EGFLAM: variants seen among roughly 807,000 people sequenced by gnomAD.
EGFLAM encodes the protein pikachurin.
In EGFLAM, 79 loss-of-function variants were observed where a neutral mutation model predicts 113.1. The observed-to-expected ratio is 0.70, with a 90% CI of 0.58 to 0.84. The LOEUF (loss-of-function observed/expected upper bound fraction) is 0.84, where lower values mean the gene tolerates loss of function less well. Among genes scored for constraint, EGFLAM ranks in the 40% least tolerant of loss-of-function variants. EGFLAM has a pLI of 0.00. For missense variants in EGFLAM, 1,265 were observed against 1,291.6 expected, an observed-to-expected ratio of 0.98 and a Z score of 0.32; for synonymous variants, 504 against 487.6, an observed-to-expected ratio of 1.03 and a Z score of -0.44.
intron 11 of EGFLAM, among the ~76,000 whole-genome samples, chr5:38,417,348 A>C (rs1200995932): frequency 1.1e-4 from 1 of 8,886 alleles, no homozygotes; most frequent in African/African-American, 6.8e-4. Flanking sequence ...ACTCTGTCTC[A>C]AAAAAAAAAA....
At chr5:38,291,365 G>A (rs1450405025) in intron 1 of EGFLAM, among the ~76,000 whole-genome samples, 1 of 152,174 alleles carries the variant, frequency 6.6e-6, no homozygotes, top group East Asian at 1.9e-4. Flanking sequence ...TCTGGATTTG[G>A]GGAGGAGAAG....
At chr5:38,298,101 C>T (rs1390827544) in intron 1 of EGFLAM, among the ~76,000 whole-genome samples, 4 of 152,154 alleles carry the variant, frequency 2.6e-5, no homozygotes, top group East Asian at 1.9e-4. Context: ...AGCTTGACAA[C>T]GTAGATAAGA....
intron 6 of EGFLAM, among the ~76,000 whole-genome samples, chr5:38,395,387 A>G (rs1249438692): frequency 6.6e-6 from 1 of 151,978 alleles, no homozygotes. Context: ...AGCTGGGACT[A>G]CAAGTGTGAG....
chr5:38,405,780 G>C (rs1003893128), intron 6 of EGFLAM, among the ~76,000 whole-genome samples: 1 of 152,246 alleles, frequency 6.6e-6, no homozygotes, highest in African/African-American at 2.4e-5. Context: ...ATATTTCCAA[G>C]TATTTCACAA....
chr5:38,261,422 G>A (rs1037172810), intron 1 of EGFLAM, among the ~76,000 whole-genome samples: 3 of 152,164 alleles, frequency 2.0e-5, no homozygotes, highest in Non-Finnish European at 4.4e-5. Flanking sequence ...CAATAGCCCT[G>A]GGAGATGGGG....
At chr5:38,273,990 G>A (rs1420637369) in intron 1 of EGFLAM, among the ~76,000 whole-genome samples, 3 of 151,902 alleles carry the variant, frequency 2.0e-5, no homozygotes, top group Admixed American at 2.0e-4. Context: ...ATGAAGAAAA[G>A]AATAAGTGAC....
intron 1 of EGFLAM, among the ~76,000 whole-genome samples, chr5:38,306,477 G>A (rs1758719420): frequency 6.6e-6 from 1 of 152,108 alleles, no homozygotes; most frequent in Non-Finnish European, 1.5e-5. Flanking sequence ...CCCCATGATG[G>A]CTATTATAGT....
intron 1 of EGFLAM, among the ~76,000 whole-genome samples, chr5:38,278,813 G>GCA (rs1389072648): frequency 1.6e-5 from 2 of 124,080 alleles, no homozygotes; most frequent in Non-Finnish European, 3.5e-5. Context: ...TTTTTTTTTT[G>GCA]ATGTAATTTT....
At chr5:38,271,518 G>A (rs1279911496) in intron 1 of EGFLAM, among the ~76,000 whole-genome samples, 1 of 152,142 alleles carries the variant, frequency 6.6e-6, no homozygotes, top group Admixed American at 6.5e-5. Flanking sequence ...ATACATGCCT[G>A]TATTCCAGCC....
intron 1 of EGFLAM, among the ~76,000 whole-genome samples, chr5:38,315,496 T>C (rs2111874448): frequency 6.6e-6 from 1 of 152,344 alleles, no homozygotes; most frequent in South Asian, 2.1e-4. Flanking sequence ...TGTGACATGC[T>C]GCTGTTATAC....
At chr5:38,300,582 G>T (rs1758552310) in intron 1 of EGFLAM, among the ~76,000 whole-genome samples, 1 of 152,058 alleles carries the variant, frequency 6.6e-6, no homozygotes, top group Non-Finnish European at 1.5e-5. Context: ...CACCATGTTG[G>T]CCAGGCTGGT....
At chr5:38,266,193 T>G (rs1757631600) in intron 1 of EGFLAM, among the ~76,000 whole-genome samples, 1 of 152,220 alleles carries the variant, frequency 6.6e-6, no homozygotes, top group Non-Finnish European at 1.5e-5. Flanking sequence ...TCTTTCAGCC[T>G]TCAAGGCTGG....
chr5:38,320,467 C>G (rs1458128068), intron 1 of EGFLAM, among the ~76,000 whole-genome samples: 1 of 152,176 alleles, frequency 6.6e-6, no homozygotes, highest in Non-Finnish European at 1.5e-5. Flanking sequence ...ACACCATAAT[C>G]TTGTTCAGAT....
intron 1 of EGFLAM, among the ~76,000 whole-genome samples, chr5:38,315,734 TG>T (rs1259534345): frequency 6.6e-6 from 1 of 152,220 alleles, no homozygotes; most frequent in Admixed American, 6.5e-5. Flanking sequence ...TTTCCTCATC[TG>T]TACAATGGGC....
chr5:38,361,941 T>C (rs2255207), intron 5 of EGFLAM, among the ~76,000 whole-genome samples: 46,346 of 151,266 alleles, frequency 0.31, 7,724 homozygotes, highest in African/African-American at 0.44. Context: ...CACATGCAAA[T>C]ATATTTTCAC....
At chr5:38,428,317 A>G (rs752797017) in intron 14 of EGFLAM, among the ~76,000 whole-genome samples, 1 of 152,216 alleles carries the variant, frequency 6.6e-6, no homozygotes, top group Non-Finnish European at 1.5e-5. Flanking sequence ...GAAAATGCTC[A>G]CTGCATTAGG....
At chr5:38,371,989 C>T (rs534671098) in intron 6 of EGFLAM, among the ~76,000 whole-genome samples, 31 of 152,272 alleles carry the variant, frequency 2.0e-4, no homozygotes, top group East Asian at 1.7e-3. Flanking sequence ...GCTCCAGGCT[C>T]ACCTCTTTCA....
At chr5:38,259,834 T>C (rs1441593703) in intron 1 of EGFLAM, among the ~76,000 whole-genome samples, 2 of 152,224 alleles carry the variant, frequency 1.3e-5, no homozygotes, top group East Asian at 3.8e-4. Context: ...CAAACGTTTC[T>C]GTAAGAAAGA....
At chr5:38,461,047 A>G (rs1317012074) in intron 20 of EGFLAM, 1 of 152,240 alleles carries the variant, frequency 6.6e-6, no homozygotes, top group Non-Finnish European at 1.5e-5. Context: ...TGATAATGAT[A>G]TTGATAACAA....
Sources: gnomAD v4.1 joint callset for allele counts (sites outside exome capture counted in the v4.1 genomes callset) on GRCh38, gnomAD v4.1.1 for gene constraint, MANE v1.5 for transcripts, NCBI Gene and HGNC (gene_info 2026-07-23, HGNC 2026-07-21) for gene names.